Variants in PCDHB4 observed in about 807,000 individuals in gnomAD.
PCDHB4 encodes the protein protocadherin beta 4.
For missense variants in PCDHB4, 1,063 were observed against 1,007.0 expected, an observed-to-expected ratio of 1.06 and a Z score of -0.75; for synonymous variants, 482 against 447.3, an observed-to-expected ratio of 1.08 and a Z score of -0.98.
Position 141,122,558 on chromosome 5 carries a change from G to A in PCDHB4, c.560G>A (p.Gly187Asp), listed in dbSNP as rs782708764. ...FHILTRNHSE[G>D]KKYPDLVQDK... ...ATTCTCACTCGAAATCATAGTGAGG[G>A]CAAGAAATACCCAGATTTGGTGCAG... The change falls in exon 1 of 1, where the codon GGC becomes GAC. Residue 187 changes from glycine (G) to aspartate (D), a missense_variant. Physicochemically the swap from Gly to Asp is moderately conservative, Grantham distance 94. Transcript: ENST00000194152. 5 of 1,614,112 alleles carry A rather than the reference G, an allele frequency of 3.1e-6. No homozygotes were observed. The highest frequency in any genetic ancestry group is 1.6e-4 in the Middle Eastern group (1 of 6,084).
Position 141,123,720 on chromosome 5 carries a change from G to C in PCDHB4, c.1722G>C (p.Leu574=). 6.2e-7 allele frequency: 1 copy of C among 1,610,546 alleles called. No individual in the cohort carries two copies. The highest frequency in any genetic ancestry group is 8.5e-7 in the Non-Finnish European group (1 of 1,179,596). Residue 574 remains leucine, a synonymous_variant, in exon 1 of 1, where the codon CTG becomes CTC. Transcript: ENST00000194152. ...LQNGSAPCTE[L]VPRAAEPGYL... is the part of the protein sequence containing the mutation. Reference sequence around the variant, plus strand: ...ATGGCTCCGCGCCCTGCACCGAGCTGGTGCCCCGGGCGGCCGAGCCGGGCT... The same window carrying C: ...ATGGCTCCGCGCCCTGCACCGAGCTCGTGCCCCGGGCGGCCGAGCCGGGCT...
rs151032773 is a variant in PCDHB4 at position 141,124,029 on chromosome 5, G to A, written c.2031G>A (p.Pro677=). ...QPYLPLPEAA[P]AQAQADSLTV... ...ACCTGCCTCTCCCTGAGGCGGCCCC[G>A]GCCCAGGCCCAGGCCGACTCTCTCA... is the stretch of plus-strand genomic sequence containing the variant. The change falls in exon 1 of 1, where the codon CCG becomes CCA. Residue 677 remains proline (P), a synonymous_variant. Transcript: ENST00000194152. 8.1e-6 allele frequency: 13 copies of A among 1,605,668 alleles called. No homozygotes were observed. The highest frequency in any genetic ancestry group is 2.1e-4 in the Middle Eastern group (1 of 4,768).
In PCDHB4 at chr5:141,124,330, A is replaced by C. The variant is rs1554274780; in HGVS notation, c.2332A>C (p.Thr778Pro). The C allele has an allele frequency of 6.2e-7, 1 of 1,613,778 alleles. No homozygotes were observed. The change falls in exon 1 of 1, where the codon ACC (threonine) becomes CCC (proline). Residue 778 changes from threonine (T) to proline (P), a missense_variant. Coordinates refer to ENST00000194152, the MANE Select transcript of PCDHB4 (RefSeq NM_018938.4). Reference sequence around the variant, plus strand: ...ATTTCCTAATCTCTTGGTTCAGGACACCGGGAGGGAAGTTAAGGAAAACCC... The same window carrying C: ...ATTTCCTAATCTCTTGGTTCAGGACCCCGGGAGGGAAGTTAAGGAAAACCC... The part of the protein sequence containing the change: ...PIFPNLLVQD[T>P]GREVKENPKF...
In PCDHB4 at chr5:141,124,567, T is replaced by G; in HGVS notation, c.*181T>G. On this transcript the variant is annotated 3_prime_UTR_variant, in exon 1 of 1. Coordinates refer to ENST00000194152, the MANE Select transcript of PCDHB4 (RefSeq NM_018938.4). ...TGTTATTAATTGCACTTAACATTTT[T>G]AGTTATACTGGATATTGAGTATGGA... is the stretch of plus-strand genomic sequence containing the variant. 1.8e-6 allele frequency: 1 copy of G among 540,768 alleles called. No homozygotes were observed. Among genetic ancestry groups the G allele is most frequent in the South Asian group, 3.4e-5 (1 of 29,658 alleles). 33.5% of individuals were successfully genotyped at this position (540,768 alleles called of 1,614,324 possible).
Position 141,124,279 on chromosome 5 carries a change from G to A in PCDHB4, c.2281G>A (p.Gly761Ser), listed in dbSNP as rs1752373882. 4 of 1,614,068 alleles carry A rather than the reference G, an allele frequency of 2.5e-6. No individual in the cohort carries two copies. Among genetic ancestry groups the A allele is most frequent in the Non-Finnish European group, 3.4e-6 (4 of 1,180,034 alleles). The change falls in exon 1 of 1, where the codon GGT (glycine) becomes AGT (serine). Residue 761 changes from glycine to serine, a missense_variant. Gly to Ser is a moderately conservative substitution (Grantham distance 56, BLOSUM62 0). Transcript: ENST00000194152. ...GTGTCTGACAGGAGACTCTGGGACT[G>A]GTGAGTTCAAGTTCCTGAAGCCAAT... ...EVCLTGDSGT[G>S]EFKFLKPIFP...
Position 141,123,260 on chromosome 5 carries a change from C to T in PCDHB4, c.1262C>T (p.Ala421Val), listed in dbSNP as rs782520001. 6.2e-7 allele frequency: 1 copy of T among 1,614,076 alleles called. No homozygotes were observed. The highest frequency in any genetic ancestry group is 1.3e-5 in the African/African-American group (1 of 74,948). Residue 421 changes from alanine (A) to valine (V), a missense_variant, in exon 1 of 1, where the codon GCC (alanine) becomes GTC (valine). Coordinates refer to ENST00000194152, the MANE Select transcript of PCDHB4 (RefSeq NM_018938.4). Reference sequence around the variant, plus strand: ...AGCGCTGAGTACAACATCACCATCGCCGTCACTGACTTGGGGACACCCAGG... The same window carrying T: ...AGCGCTGAGTACAACATCACCATCGTCGTCACTGACTTGGGGACACCCAGG... ...ETSAEYNITI[A>V]VTDLGTPRLK... is the part of the protein sequence containing the mutation.
In PCDHB4 at chr5:141,122,087, T is replaced by C; in HGVS notation, c.89T>C (p.Ile30Thr). Residue 30 changes from isoleucine (I) to threonine (T), a missense_variant, in exon 1 of 1, where the codon ATT (isoleucine) becomes ACT (threonine). Physicochemically the swap from Ile to Thr is moderately conservative, Grantham distance 89. Transcript: ENST00000194152. Reference sequence around the variant, plus strand: ...TTGTCTCAGGTTCGCCTCGAGCCTATTCGTTATTCTGTGTTGGAGGAAACA... The same window carrying C: ...TTGTCTCAGGTTCGCCTCGAGCCTACTCGTTATTCTGTGTTGGAGGAAACA... ...VFLSQVRLEP[I>T]RYSVLEETES... 6.2e-7 allele frequency: 1 copy of C among 1,614,184 alleles called. No homozygotes were observed. Among genetic ancestry groups the C allele is most frequent in the Non-Finnish European group, 8.5e-7 (1 of 1,180,022 alleles).
At position 141,122,224 on chromosome 5, in the gene PCDHB4, C is replaced by T; in HGVS notation, c.226C>T (p.Leu76=). The T allele has an allele frequency of 6.2e-7, 1 of 1,614,126 alleles. No individual in the cohort carries two copies. Among genetic ancestry groups the T allele is most frequent in the East Asian group, 2.2e-5 (1 of 44,870 alleles). Reference sequence around the variant, plus strand: ...TGACGATGACAAGCAGCGTTTGCAGCTGGATCGTCAGACTGGAGATTTGCT... The same window carrying T: ...TGACGATGACAAGCAGCGTTTGCAGTTGGATCGTCAGACTGGAGATTTGCT... ...LSDDDKQRLQ[L]DRQTGDLLLR... Residue 76 remains leucine (L), a synonymous_variant, in exon 1 of 1, where the codon CTG becomes TTG. Transcript: ENST00000194152.
Position 141,125,371 on chromosome 5 carries a change from C to T in PCDHB4, c.*985C>T, listed in dbSNP as rs1344937382. 3 of 152,152 alleles carry T rather than the reference C, an allele frequency of 2.0e-5. No individual in the cohort carries two copies. The highest frequency in any genetic ancestry group is 4.8e-5 in the African/African-American group (2 of 41,442). 9.4% of individuals were successfully genotyped at this position (152,152 alleles called of 1,614,324 possible). A position where few individuals can be genotyped will look rare whatever the true frequency, so the allele number is the denominator to read the frequency against. On this transcript the variant is annotated 3_prime_UTR_variant, in exon 1 of 1. Transcript: ENST00000194152. ...AAAGAATCACGAAATTTCTTCTGCA[C>T]CTTGGCTATTCTGTTTAAATCTGAT...
rs551909584 is a variant in PCDHB4 at position 141,124,248 on chromosome 5, C to T, written c.2250C>T (p.Tyr750=). 4.3e-6 allele frequency: 7 copies of T among 1,614,142 alleles called. No individual in the cohort carries two copies. Among genetic ancestry groups the T allele is most frequent in the Non-Finnish European group, 5.1e-6 (6 of 1,180,026 alleles). The part of the protein sequence containing the change: ...GTGTLSQSYQ[Y]EVCLTGDSGT... ...GGACCCTGTCCCAGAGCTACCAGTA[C>T]GAGGTGTGTCTGACAGGAGACTCTG... The change falls in exon 1 of 1, where the codon TAC becomes TAT. Residue 750 remains tyrosine (Y), a synonymous_variant. Coordinates refer to ENST00000194152, the MANE Select transcript of PCDHB4 (RefSeq NM_018938.4).
chr5:141,123,083 C>T lies in PCDHB4; in HGVS notation c.1085C>T (p.Thr362Met), dbSNP rs781934602. The T allele has an allele frequency of 1.2e-5, 20 of 1,613,668 alleles. 1 individual carries two copies. In the South Asian group the frequency reaches 1.8e-4, roughly 14 times the overall value. The change falls in exon 1 of 1, where the codon ACG (threonine) becomes ATG (methionine). Residue 362 changes from threonine to methionine, a missense_variant. Transcript: ENST00000194152. The stretch of plus-strand genomic sequence containing the variant: ...TCCATCCCAGAAAATGCTCCTGAGA[C>T]GGTAGTCTCTATCTTCCGAATTCGA... ...TSSIPENAPE[T>M]VVSIFRIRDR...
At position 141,122,387 on chromosome 5, in the gene PCDHB4, C is replaced by T; in HGVS notation, c.389C>T (p.Pro130Leu). ...ATCCAGGACATAAATGATCACTCTC[C>T]AATATTCCCTGAAAGGGAAGTGCTC... ...LLIQDINDHSPIFPEREVLLK... is the reference protein window; with the variant it reads ...LLIQDINDHSLIFPEREVLLK... The change falls in exon 1 of 1, where the codon CCA becomes CTA. Residue 130 changes from proline (P) to leucine (L), a missense_variant. By Grantham distance (98) the Pro-to-Leu change is moderately conservative. Transcript: ENST00000194152. 6.2e-7 allele frequency: 1 copy of T among 1,614,126 alleles called. No individual in the cohort carries two copies. Among genetic ancestry groups the T allele is most frequent in the Middle Eastern group, 1.6e-4 (1 of 6,062 alleles).
rs1554274261 is a variant in PCDHB4 at position 141,122,073 on chromosome 5, T to C, written c.75T>C (p.Val25=). The change falls in exon 1 of 1, where the codon GTT becomes GTC. Residue 25 remains valine, a synonymous_variant. Coordinates refer to ENST00000194152, the MANE Select transcript of PCDHB4 (RefSeq NM_018938.4). ...AFILMVFLSQ[V]RLEPIRYSVL... ...TTTTGATGGTGTTCTTGTCTCAGGT[T>C]CGCCTCGAGCCTATTCGTTATTCTG... 1.9e-6 allele frequency: 3 copies of C among 1,614,072 alleles called. No individual in the cohort carries two copies. The Admixed American group carries it at 5.0e-5, about 27-fold the overall frequency.
At position 141,123,854 on chromosome 5, in the gene PCDHB4, A is replaced by G. The variant is rs1554274645; in HGVS notation, c.1856A>G (p.His619Arg). 1.9e-6 allele frequency: 3 copies of G among 1,608,424 alleles called. No individual in the cohort carries two copies. Among genetic ancestry groups the G allele is most frequent in the Non-Finnish European group, 2.5e-6 (3 of 1,179,668 alleles). The stretch of plus-strand genomic sequence containing the variant: ...CCTGGGCTGTTCGGCGTGTGGGCGC[A>G]CAATGGCGAGGTGCGCACCGCCAGG... ...TEPGLFGVWA[H>R]NGEVRTARLL... The change falls in exon 1 of 1, where the codon CAC becomes CGC. Residue 619 changes from histidine to arginine, a missense_variant. Transcript: ENST00000194152.
rs1291839406 is a variant in PCDHB4, at chr5:141,123,768, G to A, written c.1770G>A (p.Ala590=). Residue 590 remains alanine (A), a synonymous_variant, in exon 1 of 1, where the codon GCG becomes GCA. Coordinates refer to ENST00000194152, the MANE Select transcript of PCDHB4 (RefSeq NM_018938.4). ...EPGYLVTKVV[A]VDGDSGQNAW... ...GCTACCTGGTGACCAAGGTGGTGGC[G>A]GTGGACGGCGACTCGGGCCAGAACG... The A allele has an allele frequency of 1.9e-6, 3 of 1,610,154 alleles. No individual in the cohort carries two copies. The highest frequency in any genetic ancestry group is 1.3e-5 in the African/African-American group (1 of 74,872).
At position 141,123,260 on chromosome 5, in the gene PCDHB4, C is replaced by A. The variant is rs782520001; in HGVS notation, c.1262C>A (p.Ala421Asp). 6.2e-7 allele frequency: 1 copy of A among 1,614,194 alleles called. No homozygotes were observed. The highest frequency in any genetic ancestry group is 1.1e-5 in the South Asian group (1 of 91,068). The stretch of plus-strand genomic sequence containing the variant: ...AGCGCTGAGTACAACATCACCATCG[C>A]CGTCACTGACTTGGGGACACCCAGG... Reference protein sequence around the residue: ...ETSAEYNITIAVTDLGTPRLK... With the variant: ...ETSAEYNITIDVTDLGTPRLK... Residue 421 changes from alanine to aspartate, a missense_variant, in exon 1 of 1, where the codon GCC becomes GAC. By Grantham distance (126) the Ala-to-Asp change is moderately radical (BLOSUM62 -2). Transcript: ENST00000194152.
chr5:141,123,209 C>T lies in PCDHB4; in HGVS notation c.1211C>T (p.Thr404Ile). 1 of 1,614,182 alleles carries T rather than the reference C, an allele frequency of 6.2e-7. No homozygotes were observed. The highest frequency in any genetic ancestry group is 2.2e-5 in the East Asian group (1 of 44,872). The part of the protein sequence containing the change: ...PTLKNFYTLV[T>I]ERPLDRETSA... ...TTGAAGAATTTTTACACCCTGGTAA[C>T]AGAGAGACCACTGGACCGAGAGACC... The change falls in exon 1 of 1, where the codon ACA (threonine) becomes ATA (isoleucine). Residue 404 changes from threonine to isoleucine, a missense_variant. Physicochemically the swap from Thr to Ile is moderately conservative, Grantham distance 89. Coordinates refer to ENST00000194152, the MANE Select transcript of PCDHB4 (RefSeq NM_018938.4).
In PCDHB4 at chr5:141,123,833, G is replaced by T; in HGVS notation, c.1835G>T (p.Gly612Val). ...CAGCTGCTCAAGGCCACGGAGCCTG[G>T]GCTGTTCGGCGTGTGGGCGCACAAT... ...SYQLLKATEPGLFGVWAHNGE... is the reference protein window; with the variant it reads ...SYQLLKATEPVLFGVWAHNGE... The change falls in exon 1 of 1, where the codon GGG becomes GTG. Residue 612 changes from glycine (G) to valine (V), a missense_variant. By Grantham distance (109) the Gly-to-Val change is moderately radical. Transcript: ENST00000194152. The T allele has an allele frequency of 6.2e-7, 1 of 1,609,258 alleles. No individual in the cohort carries two copies. The highest frequency in any genetic ancestry group is 8.5e-7 in the Non-Finnish European group (1 of 1,179,684).
chr5:141,122,235 G>T lies in PCDHB4; in HGVS notation c.237G>T (p.Gln79His). 2 of 1,614,176 alleles carry T rather than the reference G, an allele frequency of 1.2e-6. No individual in the cohort carries two copies. Among genetic ancestry groups the T allele is most frequent in the South Asian group, 2.2e-5 (2 of 91,068 alleles). ...DDKQRLQLDR[Q>H]TGDLLLREKL... ...AGCAGCGTTTGCAGCTGGATCGTCA[G>T]ACTGGAGATTTGCTTCTGAGGGAGA... The change falls in exon 1 of 1, where the codon CAG becomes CAT. Residue 79 changes from glutamine to histidine, a missense_variant. Physicochemically the swap from Gln to His is conservative, Grantham distance 24. Transcript: ENST00000194152.
Sources: gnomAD v4.1 joint callset for allele counts on GRCh38, gnomAD v4.1.1 for gene constraint, MANE v1.5 for transcripts, NCBI Gene and HGNC (gene_info 2026-07-23, HGNC 2026-07-21) for gene names.